Variants in TTC3 observed in about 807,000 individuals in gnomAD.
The protein encoded by TTC3 is tetratricopeptide repeat domain 3.
TTC3 carries 180 observed loss-of-function variants against 249.6 expected under a neutral mutation model. The ratio of observed to expected loss-of-function variants is 0.72; its 90% confidence interval spans 0.64 to 0.82. The LOEUF (loss-of-function observed/expected upper bound fraction) is 0.82, where lower values mean the gene tolerates loss of function less well. TTC3 is among the 40% of genes least tolerant of loss of function. The pLI is 0.00. For synonymous variants in TTC3, 717 were observed against 805.0 expected (o/e 0.89, Z 1.85); for missense variants, 2,061 against 2,398.4 (o/e 0.86, Z 2.94).
chr21:37,156,718 G>A, exon 28 of TTC3: 1 of 1,613,912 alleles, frequency 6.2e-7, no homozygotes, highest in South Asian at 1.1e-5. Flanking sequence ...CTTGATTTTA[G>A]TATCATGACT....
chr21:37,164,185 A>T, exon 32 of TTC3: 1 of 1,610,746 alleles, frequency 6.2e-7, no homozygotes, highest in Non-Finnish European at 8.5e-7. Context: ...TGGGACATGA[A>T]CCCAAAACAA....
chr21:37,186,581 C>T (rs1480927483), intron 37 of TTC3, among the ~76,000 whole-genome samples: 1 of 152,218 alleles, frequency 6.6e-6, no homozygotes, highest in Non-Finnish European at 1.5e-5. Flanking sequence ...GCTGGGACTA[C>T]AGGCACGCAC....
At chr21:37,151,838 G>A (rs2079498351) in intron 25 of TTC3, 55 bp from the exon 26 acceptor site, 9 of 1,482,490 alleles carry the variant, frequency 6.1e-6, no homozygotes, top group South Asian at 1.5e-5. Context: ...TGGTTTCTAC[G>A]ATAGTCAAAG....
chr21:37,123,079 C>T (rs752381406), intron 13 of TTC3, 51 bp downstream of exon 13: 12 of 1,578,144 alleles, frequency 7.6e-6, no homozygotes, highest in Admixed American at 1.7e-5. Flanking sequence ...GGCTTTGCTG[C>T]ATGAATTTAA....
At chr21:37,110,447 A>G (rs1285493240) in intron 11 of TTC3, among the ~76,000 whole-genome samples, 1 of 152,238 alleles carries the variant, frequency 6.6e-6, no homozygotes, top group South Asian at 2.1e-4. Flanking sequence ...CAACTGGAAG[A>G]AAGGGTATCA....
chr21:37,165,517 T>C, intron 32 of TTC3, 33 bp from the exon 33 acceptor site: 2 of 1,516,636 alleles, frequency 1.3e-6, no homozygotes, highest in African/African-American at 1.4e-5. Flanking sequence ...TACTTCCTTA[T>C]AGTAACTCAT....
At chr21:37,199,653 A>C (rs1401495462) in intron 44 of TTC3, among the ~76,000 whole-genome samples, 1 of 152,136 alleles carries the variant, frequency 6.6e-6, no homozygotes, top group Non-Finnish European at 1.5e-5. Flanking sequence ...AAAAGATTAA[A>C]TCTCCCTTAC....
chr21:37,081,379 G>A (rs1436079669), intron 1 of TTC3, among the ~76,000 whole-genome samples: 4 of 151,812 alleles, frequency 2.6e-5, no homozygotes, highest in Admixed American at 6.6e-5. Context: ...GCCTCCCAAA[G>A]TGCTGGGATT....
chr21:37,190,130 C>CTTTTTTTT lies in TTC3; in HGVS notation c.5025-1182_5025-1175dup, dbSNP rs138862573. Among the ~76,000 whole-genome samples the CTTTTTTTT allele has an allele frequency of 1.4e-3, 93 of 65,038 alleles. 6 individuals carry two copies. Among genetic ancestry groups the CTTTTTTTT allele is most frequent in the African/African-American group, 2.9e-3 (51 of 17,650 alleles). 42.7% of individuals were successfully genotyped at this position (65,038 alleles called of 152,430 possible). On this transcript the variant is annotated intron_variant, in intron 39 of 45. Transcript: ENST00000355666. Reference sequence around the variant, plus strand: ...TTTTAGTGTATAGTTCTTTTTCTTTCTTTTTTTTTTTTTTTTTTTTTTTTT... The same window carrying CTTTTTTTT: ...TTTTAGTGTATAGTTCTTTTTCTTTCTTTTTTTTTTTTTTTTTTTTTTTTTTTTTTTTT...
At chr21:37,201,607 G>A (rs1287488346) in exon 46 of TTC3, 1 of 1,589,226 alleles carries the variant, frequency 6.3e-7, no homozygotes, top group South Asian at 1.1e-5. Flanking sequence ...CCACCAGTGT[G>A]TTGAATCCGA....
At chr21:37,107,107 G>A (rs1206394463) in intron 10 of TTC3, among the ~76,000 whole-genome samples, 1 of 144,856 alleles carries the variant, frequency 6.9e-6, no homozygotes, top group East Asian at 2.0e-4. Flanking sequence ...TAACCTTTTA[G>A]TAGGTATTGA....
chr21:37,124,833 T>A, intron 14 of TTC3, 91 bp downstream of exon 14: 1 of 1,455,112 alleles, frequency 6.9e-7, no homozygotes, highest in Non-Finnish European at 9.3e-7. Flanking sequence ...AACCAAATTT[T>A]TGGCGATTTG....
chr21:37,090,518 A>C (rs187073663), intron 6 of TTC3: 1 of 906,964 alleles, frequency 1.1e-6, no homozygotes, highest in Admixed American at 6.2e-5. Context: ...CCTATTTTAC[A>C]AGTTGATTCT....
intron 35 of TTC3, among the ~76,000 whole-genome samples, chr21:37,180,051 A>G (rs2082614280): frequency 6.6e-6 from 1 of 152,094 alleles, no homozygotes; most frequent in South Asian, 2.1e-4. Context: ...ATATTTCTTG[A>G]ATGTTCTCTT....
At chr21:37,134,733 C>T (rs1384225467) in intron 17 of TTC3, among the ~76,000 whole-genome samples, 1 of 152,108 alleles carries the variant, frequency 6.6e-6, no homozygotes, top group African/African-American at 2.4e-5. Context: ...AATTATAATG[C>T]GTATTCAAAT....
rs185146469 is a variant in TTC3, at chr21:37,117,617, C to T, written c.901-4200C>T. On this transcript the variant is annotated intron_variant, in intron 11 of 45. Coordinates refer to ENST00000355666, the Ensembl canonical transcript of TTC3. ...TTATTAAAACTTTTTGAAGACCTGG[C>T]GCTCACTCCTGTAATCCCAGCACTT... Among the ~76,000 whole-genome samples, 224 of 152,004 alleles carry T rather than the reference C, an allele frequency of 1.5e-3. 2 individuals carry two copies. The highest frequency in any genetic ancestry group is 4.9e-3 in the African/African-American group (204 of 41,488).
intron 10 of TTC3, among the ~76,000 whole-genome samples, chr21:37,106,555 G>A (rs1005385562): frequency 6.6e-6 from 1 of 152,142 alleles, no homozygotes; most frequent in African/African-American, 2.4e-5. Context: ...CAGTCCATCT[G>A]GACCTGGTGT....
intron 1 of TTC3, chr21:37,082,768 A>G (rs1022638596): frequency 2.0e-6 from 2 of 984,886 alleles, no homozygotes; most frequent in Non-Finnish European, 2.4e-6. Flanking sequence ...ACATTCCCCC[A>G]GAGTGTATAG....
In TTC3 at chr21:37,137,903, G is replaced by C. The variant is rs545698600; in HGVS notation, c.1579-731G>C. On this transcript the variant is annotated intron_variant, in intron 18 of 45. Transcript: ENST00000355666. ...AGGCAAGACCATCCACCAACAAAAA[G>C]ATTATGACTCACTAGAAATACCCAG... Among the ~76,000 whole-genome samples the C allele has an allele frequency of 1.5e-4, 23 of 152,278 alleles. No individual in the cohort carries two copies. The South Asian group carries it at 4.8e-3, about 32-fold the overall frequency.
Sources: allele counts gnomAD v4.1 joint callset (sites outside exome capture counted in the v4.1 genomes callset), GRCh38; gene constraint gnomAD v4.1.1; transcripts MANE v1.5; gene names NCBI Gene and HGNC (gene_info 2026-07-23, HGNC 2026-07-21).